ABCA12: variants seen among roughly 807,000 people sequenced by gnomAD.
ABCA12 encodes ATP binding cassette subfamily A member 12.
A neutral mutation model predicts 293.5 loss-of-function variants in ABCA12; 156 were observed. That is an observed-to-expected ratio of 0.53 (90% CI 0.47 to 0.61). ABCA12 has a LOEUF of 0.61. ABCA12 is among the 20% of genes least tolerant of loss of function. The pLI is 0.00. For synonymous variants in ABCA12, 1,063 were observed against 1,108.0 expected (o/e 0.96, Z 0.81); for missense variants, 2,797 against 3,090.2 (o/e 0.91, Z 2.25).
At chr2:215,061,004 T>G (rs1701516911) in intron 3 of ABCA12, among the ~76,000 whole-genome samples, 1 of 151,990 alleles carries the variant, frequency 6.6e-6, no homozygotes, top group African/African-American at 2.4e-5. Context: ...AATGACCCTG[T>G]ATGCTCTAGG....
chr2:214,942,833 A>G (rs1698449599), intron 50 of ABCA12, 92 bp downstream of exon 50: 3 of 1,089,046 alleles, frequency 2.8e-6, no homozygotes, highest in East Asian at 2.5e-5. Flanking sequence ...TAGTTTTACT[A>G]CTTAGGCTGC....
At chr2:214,986,208 A>G (rs1283276873) in intron 28 of ABCA12, among the ~76,000 whole-genome samples, 1 of 152,198 alleles carries the variant, frequency 6.6e-6, no homozygotes, top group African/African-American at 2.4e-5. Context: ...TACTCCCTTT[A>G]AGAGATCAGT....
intron 7 of ABCA12, among the ~76,000 whole-genome samples, chr2:215,040,465 G>C (rs553034800): frequency 6.6e-6 from 1 of 151,150 alleles, no homozygotes; most frequent in Non-Finnish European, 1.5e-5. Flanking sequence ...AAGACAAAAA[G>C]TATTGGCAAA....
rs537348085 is a variant in ABCA12 at position 215,017,718 on chromosome 2, G to A, written c.1782+290C>T. 4.3e-4 allele frequency: 156 copies of A among 359,938 alleles called. 3 individuals carry two copies. The highest frequency in any genetic ancestry group is 4.0e-3 in the South Asian group (152 of 38,100). 22.3% of individuals were successfully genotyped at this position (359,938 alleles called of 1,614,324 possible). A position where few individuals can be genotyped will look rare whatever the true frequency, so the allele number is the denominator to read the frequency against. ...TGCAGTGGTGCGATCTCAGCTCACTGCAAGCTCATTGATTGAGGAAGCCAT... is the reference window on the plus strand; with the variant it reads ...TGCAGTGGTGCGATCTCAGCTCACTACAAGCTCATTGATTGAGGAAGCCAT... On this transcript the variant is annotated intron_variant, in intron 14 of 52. Transcript: ENST00000272895.
At chr2:214,958,699 G>A (rs1467208463) in intron 40 of ABCA12, among the ~76,000 whole-genome samples, 2 of 152,112 alleles carry the variant, frequency 1.3e-5, no homozygotes, top group East Asian at 1.9e-4. Context: ...GGTCTCCAAC[G>A]GTTACAGAGT....
chr2:215,035,851 A>C (rs1196766999), intron 8 of ABCA12: 3 of 152,080 alleles, frequency 2.0e-5, no homozygotes, highest in African/African-American at 4.8e-5. Flanking sequence ...TTGTACTTAA[A>C]ATTTTTAAAA....
At chr2:215,089,440 C>G (rs1306321575) in intron 2 of ABCA12, among the ~76,000 whole-genome samples, 1 of 152,104 alleles carries the variant, frequency 6.6e-6, no homozygotes, top group Non-Finnish European at 1.5e-5. Context: ...GCGCACAGGC[C>G]AAAAAGCCTC....
At chr2:215,016,611 A>AAAAAAAAAAAAAAAAAAAAAAC (rs1700511693) in intron 14 of ABCA12, among the ~76,000 whole-genome samples, 1 of 142,590 alleles carries the variant, frequency 7.0e-6, no homozygotes, top group Non-Finnish European at 1.5e-5. Context: ...AAAAAAAAAA[A>AAAAAAAAAAAAAAAAAAAAAAC]AAAGACTTTG....
intron 33 of ABCA12, among the ~76,000 whole-genome samples, chr2:214,977,668 G>A (rs914027556): frequency 5.9e-5 from 9 of 152,080 alleles, no homozygotes; most frequent in Admixed American, 3.3e-4. Context: ...CCACAAAGTC[G>A]TGTCAAGCAA....
At chr2:214,975,743 G>A (rs1699499522) in intron 34 of ABCA12, 42 bp downstream of exon 34, 1 of 1,612,904 alleles carries the variant, frequency 6.2e-7, no homozygotes, top group African/African-American at 1.3e-5. Flanking sequence ...ACTCCTGGAA[G>A]CATTTTGGAA....
intron 1 of ABCA12, among the ~76,000 whole-genome samples, chr2:215,137,037 C>CT (rs892618023): frequency 2.0e-4 from 30 of 148,516 alleles, no homozygotes; most frequent in South Asian, 1.7e-3. Flanking sequence ...TTCTTCTGTG[C>CT]TTTTTTTTTT....
At chr2:214,943,983 C>T (rs1271666180) in intron 49 of ABCA12, among the ~76,000 whole-genome samples, 1 of 152,188 alleles carries the variant, frequency 6.6e-6, no homozygotes, top group Non-Finnish European at 1.5e-5. Context: ...AGGCCATCCT[C>T]ATAAGAGAGG....
intron 21 of ABCA12, 96 bp downstream of exon 21, chr2:215,001,462 C>G: frequency 6.7e-7 from 1 of 1,499,190 alleles, no homozygotes; most frequent in East Asian, 2.3e-5. Context: ...AGGACCCCCA[C>G]ACTAGTTTTC....
intron 1 of ABCA12, among the ~76,000 whole-genome samples, chr2:215,134,311 T>C (rs910665766): frequency 4.7e-5 from 7 of 147,712 alleles, no homozygotes; most frequent in Non-Finnish European, 7.5e-5. Context: ...TATACGTATA[T>C]GTGTATATAT....
At chr2:215,095,440 C>T (rs540393586) in intron 2 of ABCA12, among the ~76,000 whole-genome samples, 10 of 152,220 alleles carry the variant, frequency 6.6e-5, no homozygotes, top group South Asian at 6.2e-4. Context: ...TCATTCTATA[C>T]GACAAATGCT....
intron 20 of ABCA12, among the ~76,000 whole-genome samples, chr2:215,003,914 C>A (rs900839989): frequency 6.6e-6 from 1 of 152,102 alleles, no homozygotes; most frequent in African/African-American, 2.4e-5. Flanking sequence ...GTGATCTGCC[C>A]GTGTCTGCCT....
chr2:215,053,564 A>G (rs1288057572), intron 4 of ABCA12, among the ~76,000 whole-genome samples: 1 of 152,094 alleles, frequency 6.6e-6, no homozygotes, highest in South Asian at 2.1e-4. Flanking sequence ...AGACCCACAG[A>G]TCATTCATAA....
Position 215,054,224 on chromosome 2 carries a change from G to C in ABCA12, c.409+349C>G, listed in dbSNP as rs148134208. ...ATGGAAAATCTGGACAAACCTCTGAGATTCTTTCCAAAAATTTTTATTAAT... is the reference window on the plus strand; with the variant it reads ...ATGGAAAATCTGGACAAACCTCTGACATTCTTTCCAAAAATTTTTATTAAT... On this transcript the variant is annotated intron_variant, in intron 4 of 52. Transcript: ENST00000272895. Among the ~76,000 whole-genome samples the C allele has an allele frequency of 1.4e-4, 22 of 152,098 alleles. 1 individual carries two copies. Among genetic ancestry groups the C allele is most frequent in the African/African-American group, 5.1e-4 (21 of 41,518 alleles).
intron 51 of ABCA12, among the ~76,000 whole-genome samples, chr2:214,935,933 C>G (rs1053399779): frequency 2.0e-5 from 3 of 152,068 alleles, no homozygotes; most frequent in African/African-American, 7.2e-5. Flanking sequence ...AGTTTATTTT[C>G]TCTAAAATCA....
Sources: gnomAD v4.1 joint callset for allele counts (sites outside exome capture counted in the v4.1 genomes callset) on GRCh38, gnomAD v4.1.1 for gene constraint, MANE v1.5 for transcripts, NCBI Gene and HGNC (gene_info 2026-07-23, HGNC 2026-07-21) for gene names.